FBXL7: variants seen among roughly 807,000 people sequenced by gnomAD.
FBXL7 encodes the protein F-box and leucine rich repeat protein 7.
Under a neutral mutation model 38.3 loss-of-function variants are expected in FBXL7, and 12 were observed. The ratio of observed to expected loss-of-function variants is 0.31; its 90% CI spans 0.20 to 0.51. The LOEUF (loss-of-function observed/expected upper bound fraction) is 0.51. FBXL7 is among the 20% of genes least tolerant of loss of function. The pLI, the probability that FBXL7 is intolerant of heterozygous loss-of-function variation, is 0.98. For synonymous variants in FBXL7, 297 were observed against 300.9 expected (o/e 0.99, Z 0.13); for missense variants, 567 against 676.4 (o/e 0.84, Z 1.79).
chr5:15,701,506 T>C (rs1743521924), intron 2 of FBXL7, among the ~76,000 whole-genome samples: 1 of 152,220 alleles, frequency 6.6e-6, no homozygotes, highest in South Asian at 2.1e-4. Context: ...CTTTCATTTG[T>C]GTACTATTTA....
At chr5:15,619,214 C>G in intron 2 of FBXL7, among the ~76,000 whole-genome samples, 1 of 152,128 alleles carries the variant, frequency 6.6e-6, no homozygotes, top group East Asian at 1.9e-4. Context: ...CATACTTAGC[C>G]ATTTTTTGTG....
chr5:15,619,920 C>G (rs1461374815), intron 2 of FBXL7, among the ~76,000 whole-genome samples: 1 of 152,072 alleles, frequency 6.6e-6, no homozygotes, highest in Non-Finnish European at 1.5e-5. Flanking sequence ...GTTGTCACTT[C>G]GTAGAAAACT....
At chr5:15,590,295 A>T (rs11960780) in intron 1 of FBXL7, among the ~76,000 whole-genome samples, 3,457 of 152,108 alleles carry the variant, frequency 0.023, 120 homozygotes, top group African/African-American at 0.078. Flanking sequence ...TTTATTTTCA[A>T]CCATCATTGC....
intron 2 of FBXL7, among the ~76,000 whole-genome samples, chr5:15,752,949 T>A (rs1311864630): frequency 6.6e-6 from 1 of 152,230 alleles, no homozygotes; most frequent in Non-Finnish European, 1.5e-5. Context: ...CTTAGTTTAA[T>A]CAATCTTTGT....
At chr5:15,823,983 C>T (rs139691413) in intron 2 of FBXL7, among the ~76,000 whole-genome samples, 2 of 152,190 alleles carry the variant, frequency 1.3e-5, no homozygotes, top group Non-Finnish European at 2.9e-5. Context: ...TGAGATTAAA[C>T]GTAAACCATT....
chr5:15,826,488 T>G (rs1393777429), intron 2 of FBXL7, among the ~76,000 whole-genome samples: 1 of 152,154 alleles, frequency 6.6e-6, no homozygotes, highest in African/African-American at 2.4e-5. Flanking sequence ...TCGTGATCTC[T>G]GCTCACTGCA....
intron 2 of FBXL7, among the ~76,000 whole-genome samples, chr5:15,896,053 C>T (rs551808808): frequency 2.7e-4 from 41 of 149,690 alleles, no homozygotes; most frequent in African/African-American, 8.8e-4. Flanking sequence ...GAGACAGAGT[C>T]TCAATCTGTT....
chr5:15,733,910 C>T (rs372286928), intron 2 of FBXL7, among the ~76,000 whole-genome samples: 2 of 152,268 alleles, frequency 1.3e-5, no homozygotes, highest in East Asian at 1.9e-4. Context: ...AGTTCAAGAC[C>T]AGCCTGGCCA....
At chr5:15,645,569 C>T (rs893110931) in intron 2 of FBXL7, among the ~76,000 whole-genome samples, 4 of 152,100 alleles carry the variant, frequency 2.6e-5, no homozygotes, top group Admixed American at 2.0e-4. Context: ...CCCCAACTAC[C>T]GTGGGCACAT....
chr5:15,618,029 G>A (rs1740510170), intron 2 of FBXL7, among the ~76,000 whole-genome samples: 1 of 152,120 alleles, frequency 6.6e-6, no homozygotes, highest in East Asian at 1.9e-4. Context: ...GTTGGGGGAG[G>A]GTAGTGTGGG....
intron 2 of FBXL7, among the ~76,000 whole-genome samples, chr5:15,753,564 A>AT (rs933788287): frequency 4.0e-5 from 6 of 151,764 alleles, no homozygotes; most frequent in Non-Finnish European, 4.4e-5. Context: ...GCTCATGGCT[A>AT]TTTTTTCTAC....
chr5:15,638,188 A>G (rs1741246738), intron 2 of FBXL7, among the ~76,000 whole-genome samples: 1 of 152,240 alleles, frequency 6.6e-6, no homozygotes, highest in Admixed American at 6.5e-5. Context: ...CCCAAAGGAA[A>G]GAGCCATGCC....
At chr5:15,677,301 C>T (rs1478932835) in intron 2 of FBXL7, among the ~76,000 whole-genome samples, 3 of 152,094 alleles carry the variant, frequency 2.0e-5, no homozygotes, top group Non-Finnish European at 4.4e-5. Context: ...GAAACCCTGT[C>T]TCTACTAAAA....
At chr5:15,860,911 C>G (rs989821025) in intron 2 of FBXL7, among the ~76,000 whole-genome samples, 1 of 152,156 alleles carries the variant, frequency 6.6e-6, no homozygotes, top group Non-Finnish European at 1.5e-5. Flanking sequence ...CAAGGTCAAA[C>G]AGCTGGTTAG....
rs546454150 is a variant in FBXL7, at chr5:15,519,253, G to T, written c.37+18540G>T. On this transcript the variant is annotated intron_variant, in intron 1 of 3. Transcript: ENST00000504595. ...CAGCTACCTAGAGGCTGAGGCCGGA[G>T]AATCCCTGGAACCTGGGAGGTGGAG... Among the ~76,000 whole-genome samples, 3 of 152,220 alleles carry T rather than the reference G, an allele frequency of 2.0e-5. No homozygotes were observed. In the East Asian group the frequency reaches 5.8e-4, roughly 30 times the overall value.
In FBXL7 at chr5:15,799,169, A is replaced by G. The variant is rs113837553; in HGVS notation, c.128-128721A>G. Reference sequence around the variant, plus strand: ...GAGGAAACAGTAATCTAAATGCACAATGTCCATGCACTGTCACAAGTAAAA... The same window carrying G: ...GAGGAAACAGTAATCTAAATGCACAGTGTCCATGCACTGTCACAAGTAAAA... On this transcript the variant is annotated intron_variant, in intron 2 of 3. Coordinates refer to ENST00000504595, the MANE Select transcript of FBXL7 (RefSeq NM_012304.5). Among the ~76,000 whole-genome samples, 89 of 152,296 alleles carry G rather than the reference A, an allele frequency of 5.8e-4. 1 individual carries two copies. Among genetic ancestry groups the G allele is most frequent in the African/African-American group, 2.0e-3 (85 of 41,568 alleles).
chr5:15,846,707 C>G (rs146166482), intron 2 of FBXL7, among the ~76,000 whole-genome samples: 2 of 151,902 alleles, frequency 1.3e-5, no homozygotes, highest in Non-Finnish European at 2.9e-5. Context: ...AGACACAGCT[C>G]AAGTTACATT....
chr5:15,783,868 A>T (rs1182289189), intron 2 of FBXL7, among the ~76,000 whole-genome samples: 1 of 152,216 alleles, frequency 6.6e-6, no homozygotes, highest in African/African-American at 2.4e-5. Flanking sequence ...ATGTAGATGT[A>T]TGGGAATGGG....
intron 2 of FBXL7, among the ~76,000 whole-genome samples, chr5:15,747,745 T>C (rs1208764699): frequency 6.6e-6 from 1 of 152,130 alleles, no homozygotes; most frequent in Non-Finnish European, 1.5e-5. Flanking sequence ...AAGGGAATCG[T>C]GGGATCCAGG....
Sources: allele counts gnomAD v4.1 joint callset (sites outside exome capture counted in the v4.1 genomes callset), GRCh38; gene constraint gnomAD v4.1.1; transcripts MANE v1.5; gene names NCBI Gene and HGNC (gene_info 2026-07-23, HGNC 2026-07-21).